Variants in TMPRSS11D observed in about 807,000 individuals in gnomAD.
TMPRSS11D encodes transmembrane protease serine 11D.
A neutral mutation model predicts 44.4 loss-of-function variants in TMPRSS11D; 32 were observed. The observed-to-expected ratio is 0.72, with a 90% CI of 0.54 to 0.97. TMPRSS11D has a LOEUF of 0.97. Among genes scored for constraint, TMPRSS11D ranks in the 50% least tolerant of loss-of-function variants. TMPRSS11D has a pLI of 0.00. For synonymous variants in TMPRSS11D, 179 were observed against 177.9 expected (o/e 1.01, Z -0.05); for missense variants, 446 against 502.6 (o/e 0.89, Z 1.08).
intron 6 of TMPRSS11D, 36 bp downstream of exon 6, chr4:67,835,047 G>T: frequency 6.3e-7 from 1 of 1,596,024 alleles, no homozygotes; most frequent in South Asian, 1.1e-5. Context: ...TTTATGATTT[G>T]GCAAATTACA....
chr4:67,850,144 G>T (rs987114703), intron 3 of TMPRSS11D, among the ~76,000 whole-genome samples: 3 of 152,138 alleles, frequency 2.0e-5, no homozygotes, highest in Admixed American at 2.0e-4. Context: ...CTTACAGAAA[G>T]AGATTAGAGT....
At chr4:67,854,999 G>T (rs1488081650) in intron 2 of TMPRSS11D, among the ~76,000 whole-genome samples, 2 of 95,460 alleles carry the variant, frequency 2.1e-5, no homozygotes, top group East Asian at 1.7e-3. Flanking sequence ...GCTCATGCCT[G>T]TAATCCCAGC....
intron 1 of TMPRSS11D, among the ~76,000 whole-genome samples, chr4:67,870,297 T>TG (rs1278333466): frequency 6.6e-6 from 1 of 152,216 alleles, no homozygotes; most frequent in African/African-American, 2.4e-5. Flanking sequence ...TCTGACTTTA[T>TG]GTCTAACTTC....
intron 5 of TMPRSS11D, among the ~76,000 whole-genome samples, chr4:67,835,961 A>G (rs903213497): frequency 1.3e-5 from 2 of 152,284 alleles, no homozygotes; most frequent in South Asian, 2.1e-4. Context: ...AGAACAGCAT[A>G]CAAGACAGTT....
At position 67,825,830 on chromosome 4, in the gene TMPRSS11D, T is replaced by C; in HGVS notation, c.997A>G (p.Ser333Gly). 6.2e-7 allele frequency: 1 copy of C among 1,613,112 alleles called. No homozygotes were observed. Among genetic ancestry groups the C allele is most frequent in the South Asian group, 1.1e-5 (1 of 91,024 alleles). The change falls in exon 9 of 10, where the codon AGT (serine) becomes GGT (glycine). Residue 333 changes from serine to glycine, a missense_variant. By Grantham distance (56) the Ser-to-Gly change is moderately conservative (BLOSUM62 0). Transcript: ENST00000283916. ...TGTGGTGCATTACATACATCATTAC[T>C]TATTATTCTGACCTGTCCTTGCCTT... ...ELRQGQVRII[S>G]NDVCNAPHSY...
intron 3 of TMPRSS11D, among the ~76,000 whole-genome samples, chr4:67,846,668 A>G (rs1055784168): frequency 6.6e-5 from 10 of 152,334 alleles, no homozygotes; most frequent in African/African-American, 2.2e-4. Flanking sequence ...TTGCAAACCA[A>G]TTGAAAGGTG....
At chr4:67,853,738 G>C (rs1718563282) in intron 3 of TMPRSS11D, among the ~76,000 whole-genome samples, 1 of 152,130 alleles carries the variant, frequency 6.6e-6, no homozygotes, top group Admixed American at 6.5e-5. Flanking sequence ...ATAAGGAAGA[G>C]GGAAGAAGGT....
intron 1 of TMPRSS11D, among the ~76,000 whole-genome samples, chr4:67,868,689 G>A (rs1265959818): frequency 2.0e-5 from 3 of 152,204 alleles, no homozygotes; most frequent in Non-Finnish European, 1.5e-5. Context: ...GACTTTGTGA[G>A]TAATGGGTTT....
chr4:67,835,360 T>C (rs1029833700), intron 5 of TMPRSS11D, among the ~76,000 whole-genome samples: 21 of 152,286 alleles, frequency 1.4e-4, no homozygotes, highest in African/African-American at 5.1e-4. Flanking sequence ...TTATGCATAC[T>C]AAAGTTTGTA....
rs1373670458 is a variant in TMPRSS11D at position 67,821,511 on chromosome 4, T to A, written c.*826A>T. The A allele has an allele frequency of 1.3e-5, 2 of 152,202 alleles. No individual in the cohort carries two copies. The highest frequency in any genetic ancestry group is 4.8e-5 in the African/African-American group (2 of 41,444). 9.4% of individuals were successfully genotyped at this position (152,202 alleles called of 1,614,324 possible). A position where few individuals can be genotyped will look rare whatever the true frequency, so the allele number is the denominator to read the frequency against. ...ATGATTAAATTTTTCATTCTTAAAA[T>A]TATTATTTTGTTGTTAAAAAGTACT... On this transcript the variant is annotated 3_prime_UTR_variant, in exon 10 of 10. Coordinates refer to ENST00000283916, the MANE Select transcript of TMPRSS11D (RefSeq NM_004262.3).
chr4:67,826,874 A>G (rs1486448083), intron 8 of TMPRSS11D, among the ~76,000 whole-genome samples: 1 of 152,102 alleles, frequency 6.6e-6, no homozygotes, highest in Admixed American at 6.6e-5. Context: ...GCAGTAAGCC[A>G]TGATTGCACC....
chr4:67,870,677 G>T (rs1719035587), intron 1 of TMPRSS11D, among the ~76,000 whole-genome samples: 2 of 152,132 alleles, frequency 1.3e-5, no homozygotes, highest in Non-Finnish European at 1.5e-5. Context: ...AGCCGGGCGT[G>T]GTGGCGGGCG....
At chr4:67,873,748 T>C (rs1438619341) in intron 1 of TMPRSS11D, among the ~76,000 whole-genome samples, 2 of 152,156 alleles carry the variant, frequency 1.3e-5, no homozygotes, top group Admixed American at 6.5e-5. Context: ...GTCCAAAGAC[T>C]ATGTTTTGTG....
At chr4:67,828,568 T>G (rs1595933) in intron 7 of TMPRSS11D, among the ~76,000 whole-genome samples, 28,572 of 152,034 alleles carry the variant, frequency 0.19, 2,997 homozygotes, top group African/African-American at 0.27. Context: ...CAATTCTGAC[T>G]GAAAAACTAA....
At chr4:67,861,788 C>T (rs556513391) in intron 1 of TMPRSS11D, among the ~76,000 whole-genome samples, 4 of 152,036 alleles carry the variant, frequency 2.6e-5, no homozygotes, top group African/African-American at 9.7e-5. Flanking sequence ...AATTACCTTA[C>T]GCTCACAAGC....
At chr4:67,883,817 C>A in intron 1 of TMPRSS11D, 109 bp downstream of exon 1, 1 of 778,282 alleles carries the variant, frequency 1.3e-6, no homozygotes. Flanking sequence ...AGAGAAGTAA[C>A]TAGAAGATTG....
Position 67,871,503 on chromosome 4 carries a change from C to A in TMPRSS11D, c.9-11825G>T, listed in dbSNP as rs537628694. ...ACAAGTCGGTAGTTTGCCATGTTTT[C>A]CTTCACTTAGCATATATCCCCATAT... On this transcript the variant is annotated intron_variant, in intron 1 of 9. Coordinates refer to ENST00000283916, the MANE Select transcript of TMPRSS11D (RefSeq NM_004262.3). Among the ~76,000 whole-genome samples, 48 of 152,284 alleles carry A rather than the reference C, an allele frequency of 3.2e-4. 1 individual carries two copies. Among genetic ancestry groups the A allele is most frequent in the African/African-American group, 1.1e-3 (46 of 41,558 alleles).
intron 6 of TMPRSS11D, 124 bp from the exon 7 acceptor site, chr4:67,833,505 G>A: frequency 1.1e-6 from 1 of 928,482 alleles, no homozygotes; most frequent in Non-Finnish European, 1.5e-6. Context: ...GGACATGCTG[G>A]ATTTTCCAAA....
intron 1 of TMPRSS11D, among the ~76,000 whole-genome samples, chr4:67,874,114 T>C (rs58202190): frequency 0.06 from 9,105 of 152,218 alleles, 949 homozygotes; most frequent in African/African-American, 0.21. Context: ...CCTACAGTAT[T>C]CAGTACAGTA....
Sources: allele counts gnomAD v4.1 joint callset (sites outside exome capture counted in the v4.1 genomes callset), GRCh38; gene constraint gnomAD v4.1.1; transcripts MANE v1.5; gene names NCBI Gene and HGNC (gene_info 2026-07-23, HGNC 2026-07-21).